Variants in RAPGEF4 observed in about 807,000 individuals in gnomAD.
The protein encoded by RAPGEF4 is Rap guanine nucleotide exchange factor 4.
A neutral mutation model predicts 147.9 loss-of-function variants in RAPGEF4; 66 were observed. The observed-to-expected ratio is 0.45, with a 90% CI of 0.37 to 0.55. RAPGEF4 has a LOEUF of 0.55. Ranked by LOEUF, RAPGEF4 falls within the 20% of genes least tolerant of loss-of-function variation. The pLI is 0.00. For missense variants in RAPGEF4, 1,071 were observed against 1,257.3 expected, an observed-to-expected ratio of 0.85 and a Z score of 2.24; for synonymous variants, 419 against 442.7, an observed-to-expected ratio of 0.95 and a Z score of 0.67.
intron 6 of RAPGEF4, among the ~76,000 whole-genome samples, chr2:172,935,727 A>C (rs550742222): frequency 3.9e-5 from 6 of 152,296 alleles, no homozygotes; most frequent in Middle Eastern, 3.4e-3. Context: ...GTCAGAATCA[A>C]ATTTTCTTTT....
chr2:172,755,114 A>G (rs1313143363), intron 1 of RAPGEF4, among the ~76,000 whole-genome samples: 1 of 152,130 alleles, frequency 6.6e-6, no homozygotes, highest in Admixed American at 6.5e-5. Flanking sequence ...AACCCTGAGG[A>G]ATACTCTGGG....
intron 29 of RAPGEF4, among the ~76,000 whole-genome samples, chr2:173,043,483 A>G (rs1364002181): frequency 6.6e-6 from 1 of 152,200 alleles, no homozygotes; most frequent in East Asian, 1.9e-4. Flanking sequence ...GAGTGGTACC[A>G]ATGAGGTGGC....
intron 1 of RAPGEF4, among the ~76,000 whole-genome samples, chr2:172,750,989 T>C (rs1695234006): frequency 6.6e-6 from 1 of 152,216 alleles, no homozygotes; most frequent in Non-Finnish European, 1.5e-5. Flanking sequence ...AGTTATTTAC[T>C]GGACCTGTTA....
intron 6 of RAPGEF4, among the ~76,000 whole-genome samples, chr2:172,940,152 T>G (rs1288291630): frequency 6.6e-6 from 1 of 152,184 alleles, no homozygotes; most frequent in Non-Finnish European, 1.5e-5. Context: ...AAGATTAGAC[T>G]AGGATTATGG....
intron 7 of RAPGEF4, 152 bp from the exon 8 acceptor site, chr2:172,960,970 C>T: frequency 2.5e-6 from 2 of 803,452 alleles, no homozygotes; most frequent in Non-Finnish European, 4.1e-6. Context: ...AAACCAGTGA[C>T]ATATCACACA....
chr2:172,882,726 A>G (rs1696762096), intron 4 of RAPGEF4, among the ~76,000 whole-genome samples: 1 of 152,154 alleles, frequency 6.6e-6, no homozygotes, highest in Non-Finnish European at 1.5e-5. Context: ...TCTAGCTATA[A>G]TGTAAAGTTG....
At chr2:172,834,181 C>T (rs951607706) in intron 4 of RAPGEF4, among the ~76,000 whole-genome samples, 1 of 152,206 alleles carries the variant, frequency 6.6e-6, no homozygotes, top group African/African-American at 2.4e-5. Context: ...TTTCTCTTTA[C>T]ACACCAGATA....
chr2:172,946,562 T>C (rs1477226181), intron 6 of RAPGEF4, among the ~76,000 whole-genome samples: 1 of 152,150 alleles, frequency 6.6e-6, no homozygotes, highest in Non-Finnish European at 1.5e-5. Flanking sequence ...TCACAATGCC[T>C]TAAACTCCCG....
intron 4 of RAPGEF4, among the ~76,000 whole-genome samples, chr2:172,840,442 A>G (rs1237663287): frequency 6.6e-6 from 1 of 152,176 alleles, no homozygotes; most frequent in Non-Finnish European, 1.5e-5. Flanking sequence ...CGCCTATTCT[A>G]CCCATTGGGT....
intron 4 of RAPGEF4, among the ~76,000 whole-genome samples, chr2:172,819,390 G>T (rs191747243): frequency 6.6e-6 from 1 of 151,462 alleles, no homozygotes; most frequent in African/African-American, 2.4e-5. Context: ...GATAAATATT[G>T]GAGACAGTAT....
At chr2:172,861,479 A>G (rs1307896728) in intron 4 of RAPGEF4, among the ~76,000 whole-genome samples, 2 of 152,168 alleles carry the variant, frequency 1.3e-5, no homozygotes, top group African/African-American at 4.8e-5. Flanking sequence ...TGAAAATTCC[A>G]TGGGGCAGAC....
At chr2:173,015,061 A>G (rs1340119211) in intron 18 of RAPGEF4, among the ~76,000 whole-genome samples, 4 of 152,184 alleles carry the variant, frequency 2.6e-5, no homozygotes, top group Admixed American at 2.6e-4. Flanking sequence ...TGTTCACATC[A>G]TTTCCAGTTT....
chr2:172,875,094 G>A (rs2149826301), intron 4 of RAPGEF4, among the ~76,000 whole-genome samples: 1 of 152,208 alleles, frequency 6.6e-6, no homozygotes, highest in South Asian at 2.1e-4. Context: ...TGATGGGGTT[G>A]TTTGTTTTTT....
At chr2:172,819,358 G>A (rs141363775) in intron 4 of RAPGEF4, among the ~76,000 whole-genome samples, 271 of 152,088 alleles carry the variant, frequency 1.8e-3, no homozygotes, top group African/African-American at 6.2e-3. Flanking sequence ...AACATTTCAG[G>A]AGGGAGGCAG....
chr2:172,779,458 G>A (rs1661431621), intron 1 of RAPGEF4, among the ~76,000 whole-genome samples: 1 of 152,184 alleles, frequency 6.6e-6, no homozygotes, highest in Non-Finnish European at 1.5e-5. Flanking sequence ...AGGGCTTGAA[G>A]GTGGGGCAGA....
intron 10 of RAPGEF4, among the ~76,000 whole-genome samples, chr2:172,980,005 C>T (rs57619371): frequency 0.073 from 11,089 of 152,200 alleles, 597 homozygotes; most frequent in South Asian, 0.16. Flanking sequence ...CAAGAAAGGT[C>T]AGAGAGCCAG....
At chr2:172,971,340 G>C (rs1690461513) in intron 10 of RAPGEF4, among the ~76,000 whole-genome samples, 2 of 152,216 alleles carry the variant, frequency 1.3e-5, no homozygotes, top group African/African-American at 4.8e-5. Flanking sequence ...TGGGAGGACA[G>C]TTAAGTAGAC....
At chr2:172,767,683 T>C (rs772589322) in intron 1 of RAPGEF4, among the ~76,000 whole-genome samples, 1 of 152,212 alleles carries the variant, frequency 6.6e-6, no homozygotes, top group Non-Finnish European at 1.5e-5. Flanking sequence ...TTCAAAACTT[T>C]AGAAATAAGG....
At chr2:172,888,651 T>C (rs889542742) in intron 4 of RAPGEF4, among the ~76,000 whole-genome samples, 1 of 152,262 alleles carries the variant, frequency 6.6e-6, no homozygotes, top group South Asian at 2.1e-4. Flanking sequence ...TGTCTTTACC[T>C]TCTATGAAAA....
Sources: gnomAD v4.1 joint callset for allele counts (sites outside exome capture counted in the v4.1 genomes callset) on GRCh38, gnomAD v4.1.1 for gene constraint, MANE v1.5 for transcripts, NCBI Gene and HGNC (gene_info 2026-07-23, HGNC 2026-07-21) for gene names.